Variants in SMG6 observed in about 807,000 individuals in gnomAD.
SMG6 encodes the protein SMG6 nonsense mediated mRNA decay factor, also known as telomerase-binding protein EST1A.
In SMG6, 66 loss-of-function variants were observed where a neutral mutation model predicts 142.2. That is an observed-to-expected ratio of 0.46 (90% CI 0.38 to 0.57). SMG6 has a LOEUF of 0.57. SMG6 is among the 20% of genes least tolerant of loss of function. The pLI is 0.00. For missense variants in SMG6, 1,793 were observed against 1,832.0 expected (o/e 0.98, Z 0.39); for synonymous variants, 779 against 702.4 (o/e 1.11, Z -1.72).
chr17:2,091,410 CAGA>C (rs2068711103), intron 13 of SMG6, among the ~76,000 whole-genome samples: 1 of 152,112 alleles, frequency 6.6e-6, no homozygotes, highest in African/African-American at 2.4e-5. Flanking sequence ...CTACTTGAGT[CAGA>C]AGAAGTTGGT....
intron 13 of SMG6, among the ~76,000 whole-genome samples, chr17:2,090,728 A>G (rs1457360067): frequency 6.6e-6 from 1 of 152,240 alleles, no homozygotes; most frequent in African/African-American, 2.4e-5. Context: ...GTTAAAGAGA[A>G]CAATCACACG....
rs1374729618 is a variant in SMG6 at position 2,173,393 on chromosome 17, A to C, written c.3156-534T>G. ...CTTCCCTATATATAGGCAGGCAATC[A>C]ATCAATCAATCAACCAATCACACAA... is the stretch of plus-strand genomic sequence containing the variant. On this transcript the variant is annotated intron_variant, in intron 12 of 18. Transcript: ENST00000263073. Among the ~76,000 whole-genome samples the C allele has an allele frequency of 2.0e-5, 3 of 152,178 alleles. 1 individual carries two copies. The highest frequency in any genetic ancestry group is 7.2e-5 in the African/African-American group (3 of 41,422).
chr17:2,143,720 G>T (rs2070563357), intron 13 of SMG6, among the ~76,000 whole-genome samples: 1 of 152,176 alleles, frequency 6.6e-6, no homozygotes. Context: ...GAACTTCATG[G>T]AATGTGAATC....
chr17:2,097,825 A>T (rs1408482975), intron 13 of SMG6, among the ~76,000 whole-genome samples: 1 of 152,148 alleles, frequency 6.6e-6, no homozygotes, highest in African/African-American at 2.4e-5. Flanking sequence ...CACTAAGACT[A>T]AAGTGTCTCC....
At chr17:2,231,366 C>T (rs1423626960) in intron 10 of SMG6, among the ~76,000 whole-genome samples, 1 of 152,162 alleles carries the variant, frequency 6.6e-6, no homozygotes, top group African/African-American at 2.4e-5. Context: ...GTGACACTCC[C>T]TCTACCTTCT....
intron 6 of SMG6, among the ~76,000 whole-genome samples, chr17:2,284,544 C>A (rs1023497331): frequency 2.0e-5 from 3 of 152,156 alleles, no homozygotes; most frequent in African/African-American, 7.2e-5. Context: ...CTCACTTTTT[C>A]TCCAACTTCA....
chr17:2,110,529 T>C (rs1043853259), intron 13 of SMG6, among the ~76,000 whole-genome samples: 6 of 152,156 alleles, frequency 3.9e-5, no homozygotes, highest in African/African-American at 1.4e-4. Flanking sequence ...GTGAAGCACA[T>C]TTCATGCCAA....
In SMG6 at chr17:2,300,225, T is replaced by A. The variant is rs1431801310; in HGVS notation, c.528A>T (p.Arg176Ser). Residue 176 changes from arginine to serine, a missense_variant, in exon 2 of 19, where the codon AGA (arginine) becomes AGT (serine). Around this residue, in one of 3 missense-constraint regions of SMG6, gnomAD observed 1,597 missense variants for 1,584.6 expected, o/e 1.01. Transcript: ENST00000263073. ...EEVLNQVEQLRVEEDECRGNV... is the reference protein window; with the variant it reads ...EEVLNQVEQLSVEEDECRGNV... ...TTCCCCTACACTCATCTTCCTCTAC[T>A]CTCAGTTGTTCTACCTGGTTGAGGA... The A allele has an allele frequency of 3.7e-6, 6 of 1,614,032 alleles. No homozygotes were observed. Among genetic ancestry groups the A allele is most frequent in the Non-Finnish European group, 5.1e-6 (6 of 1,180,038 alleles).
chr17:2,061,561 C>T lies in SMG6; in HGVS notation c.4191G>A (p.Val1397=), dbSNP rs1323007566. ...CAGGAACATTCCTTGTGAGCGCCTTCACACGCAGGTTCCGGTCATCCGTCA... is the reference window on the plus strand; with the variant it reads ...CAGGAACATTCCTTGTGAGCGCCTTTACACGCAGGTTCCGGTCATCCGTCA... ...VLLTDDRNLR[V]KALTRNVPVR... Residue 1397 remains valine (V), a synonymous_variant, in exon 19 of 19, where the codon GTG becomes GTA. Coordinates refer to ENST00000263073, the MANE Select transcript of SMG6 (RefSeq NM_017575.5). The T allele has an allele frequency of 6.4e-7, 1 of 1,573,054 alleles. No homozygotes were observed. The highest frequency in any genetic ancestry group is 1.2e-5 in the South Asian group (1 of 85,858).
intron 13 of SMG6, among the ~76,000 whole-genome samples, chr17:2,130,446 TG>T (rs1430510764): frequency 6.6e-6 from 1 of 151,808 alleles, no homozygotes; most frequent in Non-Finnish European, 1.5e-5. Context: ...TGTTCATGGA[TG>T]GGAAGACTAA....
rs561618041 is a variant in SMG6 at position 2,073,949 on chromosome 17, C to G, written c.3682-5018G>C. 1.9e-3 allele frequency among the ~76,000 whole-genome samples: 284 copies of G among 151,654 alleles called. 2 individuals carry two copies. Among genetic ancestry groups the G allele is most frequent in the African/African-American group, 5.8e-3 (239 of 41,430 alleles). Reference sequence around the variant, plus strand: ...CAAAAATCAGCCGGGGATGGTGGCACATGCCTGTAGTCCCAGCTACTCGGG... The same window carrying G: ...CAAAAATCAGCCGGGGATGGTGGCAGATGCCTGTAGTCCCAGCTACTCGGG... On this transcript the variant is annotated intron_variant, in intron 15 of 18. Transcript: ENST00000263073.
chr17:2,095,857 C>A (rs543614547), intron 13 of SMG6, among the ~76,000 whole-genome samples: 3 of 149,560 alleles, frequency 2.0e-5, no homozygotes, highest in South Asian at 4.4e-4. Flanking sequence ...CCCCTCCCCC[C>A]AAAGATCACT....
Position 2,061,409 on chromosome 17 carries a change from C to A in SMG6, c.*83G>T. The A allele has an allele frequency of 7.3e-7, 1 of 1,364,952 alleles. No homozygotes were observed. Among genetic ancestry groups the A allele is most frequent in the African/African-American group, 1.5e-5 (1 of 68,936 alleles). The allele number at this position is 1,364,952 out of a possible 1,614,324, so 84.6% of individuals were successfully genotyped here. A position where few individuals can be genotyped will look rare whatever the true frequency, so the allele number is the denominator to read the frequency against. On this transcript the variant is annotated 3_prime_UTR_variant, in exon 19 of 19. Transcript: ENST00000263073. ...TCTGGGTGGATTGGTGGCTCAGGCA[C>A]GTGGGCATCTTCCGTGCTACACTGG...
chr17:2,288,683 C>A (rs2074962044), intron 6 of SMG6, among the ~76,000 whole-genome samples: 1 of 151,138 alleles, frequency 6.6e-6, no homozygotes, highest in East Asian at 2.0e-4. Context: ...TATCCTAGCA[C>A]TTTGAGAGGC....
chr17:2,222,491 G>A (rs926088225), intron 10 of SMG6, among the ~76,000 whole-genome samples: 1 of 140,792 alleles, frequency 7.1e-6, no homozygotes, highest in African/African-American at 2.6e-5. Flanking sequence ...CTGAAGCAGA[G>A]TAACCAAGCC....
intron 13 of SMG6, among the ~76,000 whole-genome samples, chr17:2,142,771 C>T (rs1310945835): frequency 1.3e-5 from 2 of 151,690 alleles, no homozygotes; most frequent in African/African-American, 4.8e-5. Context: ...GCCTGTAACC[C>T]CAGCTACTCG....
intron 13 of SMG6, among the ~76,000 whole-genome samples, chr17:2,101,842 C>G (rs9914578): frequency 0.31 from 46,660 of 151,896 alleles, 8,788 homozygotes; most frequent in African/African-American, 0.54. Context: ...CAGCCAGTAA[C>G]TGCAGGGGCC....
At chr17:2,266,196 G>A (rs1567730866) in intron 8 of SMG6, 11 of 985,374 alleles carry the variant, frequency 1.1e-5, no homozygotes, top group Non-Finnish European at 1.3e-5. Flanking sequence ...GGGTATCTGG[G>A]TCCTGACTTT....
At chr17:2,277,182 T>TGAGACAGAGTCTCGC (rs2074676993) in intron 8 of SMG6, among the ~76,000 whole-genome samples, 1 of 135,928 alleles carries the variant, frequency 7.4e-6, no homozygotes, top group Admixed American at 7.9e-5. Context: ...ATTTTTTTTT[T>TGAGACAGAGTCTCGC]TTTTGAGACA....
Sources: allele counts gnomAD v4.1 joint callset (sites outside exome capture counted in the v4.1 genomes callset), GRCh38; gene constraint gnomAD v4.1.1; regional missense constraint gnomAD v4.1.1; transcripts MANE v1.5; gene names NCBI Gene and HGNC (gene_info 2026-07-23, HGNC 2026-07-21).